The following UGT1A10 variants were observed in gnomAD, a reference collection of about 807,000 sequenced individuals.
UGT1A10 encodes the protein UDP-glucuronosyltransferase 1A10.
Under a neutral mutation model 45.8 loss-of-function variants are expected in UGT1A10, and 49 were observed. The observed-to-expected ratio is 1.07, with a 90% CI of 0.85 to 1.36. UGT1A10 has a LOEUF of 1.36. Among genes scored for constraint, UGT1A10 ranks in the 40% most tolerant of loss-of-function variants. The pLI is 0.00. For missense variants in UGT1A10, 745 were observed against 668.6 expected (o/e 1.11, Z -1.26); for synonymous variants, 284 against 249.7 (o/e 1.14, Z -1.29).
In UGT1A10 at chr2:233,757,143, T is replaced by G. The variant is rs1451644825; in HGVS notation, c.856-9891T>G. ...GAGAGGAGGAATGAGCTTGGACAGG[T>G]GGGCTGGGGTCTATCCCAGAGTTTT... On this transcript the variant is annotated intron_variant, in intron 1 of 4. Coordinates refer to ENST00000344644, the MANE Select transcript of UGT1A10 (RefSeq NM_019075.4). 3.3e-5 allele frequency among the ~76,000 whole-genome samples: 5 copies of G among 150,656 alleles called. No individual in the cohort carries two copies. In the East Asian group the frequency reaches 7.9e-4, roughly 24 times the overall value.
chr2:233,747,352 C>T (rs1016140254), intron 1 of UGT1A10: 87 of 1,602,584 alleles, frequency 5.4e-5, no homozygotes, highest in Admixed American at 8.4e-5. Flanking sequence ...ATGCGGGAGG[C>T]CGTGCGGGAG....
chr2:233,766,887 T>G, intron 1 of UGT1A10, 147 bp from the exon 2 acceptor site: 1 of 1,461,916 alleles, frequency 6.8e-7, no homozygotes, highest in Non-Finnish European at 9.0e-7. Context: ...CTGTAAAACT[T>G]ACATATTAAT....
At chr2:233,661,097 T>G (rs1300210630) in intron 1 of UGT1A10, among the ~76,000 whole-genome samples, 1 of 152,132 alleles carries the variant, frequency 6.6e-6, no homozygotes, top group Non-Finnish European at 1.5e-5. Flanking sequence ...TAAAATTTTA[T>G]GTAGATAATC....
At chr2:233,660,348 T>C (rs549882234) in intron 1 of UGT1A10, among the ~76,000 whole-genome samples, 1 of 152,308 alleles carries the variant, frequency 6.6e-6, no homozygotes, top group South Asian at 2.1e-4. Context: ...TTAGAGATGA[T>C]GTTTGAGGAC....
chr2:233,666,726 G>A (rs2074083963), intron 1 of UGT1A10, among the ~76,000 whole-genome samples: 1 of 151,674 alleles, frequency 6.6e-6, no homozygotes, highest in Admixed American at 6.6e-5. Context: ...GTATACATGT[G>A]CCATGTTGGT....
chr2:233,679,365 T>C (rs754142123), intron 1 of UGT1A10, among the ~76,000 whole-genome samples: 1 of 152,210 alleles, frequency 6.6e-6, no homozygotes, highest in Non-Finnish European at 1.5e-5. Context: ...ACAATAAAAC[T>C]GTCAGTGAGT....
At chr2:233,642,517 G>A (rs2073477833) in intron 1 of UGT1A10, among the ~76,000 whole-genome samples, 1 of 152,178 alleles carries the variant, frequency 6.6e-6, no homozygotes, top group African/African-American at 2.4e-5. Flanking sequence ...GTTAGTCCCT[G>A]GCACCTTATT....
rs2076824965 is a variant in UGT1A10, at chr2:233,720,038, T to G, written c.856-46996T>G. On this transcript the variant is annotated intron_variant, in intron 1 of 4. Transcript: ENST00000344644. ...TCCTGGGGTTTTTGCTTGCCTGATTTTCAGCTGAACGGTGATGCAACAGTA... is the reference window on the plus strand; with the variant it reads ...TCCTGGGGTTTTTGCTTGCCTGATTGTCAGCTGAACGGTGATGCAACAGTA... Among the ~76,000 whole-genome samples, 3 of 152,190 alleles carry G rather than the reference T, an allele frequency of 2.0e-5. No individual in the cohort carries two copies. In the South Asian group the frequency reaches 6.2e-4, roughly 32 times the overall value.
chr2:233,712,975 C>T (rs558021110), intron 1 of UGT1A10: 154 of 1,613,050 alleles, frequency 9.5e-5, no homozygotes, highest in Middle Eastern at 7.8e-4. Context: ...AGTCAGCTGT[C>T]GGTGGCTTCT....
intron 1 of UGT1A10, chr2:233,719,063 T>C (rs780981964): frequency 1.1e-4 from 178 of 1,614,270 alleles, no homozygotes; most frequent in East Asian, 3.6e-4. Flanking sequence ...CAGCCTATGC[T>C]GTTCCATGGA....
chr2:233,713,587 C>T (rs553041215), intron 1 of UGT1A10: 7 of 1,613,978 alleles, frequency 4.3e-6, no homozygotes, highest in East Asian at 2.2e-5. Context: ...AGATTACTAA[C>T]GACCAATTCA....
intron 1 of UGT1A10, among the ~76,000 whole-genome samples, chr2:233,748,510 G>A (rs1250005538): frequency 1.3e-5 from 2 of 151,856 alleles, no homozygotes; most frequent in Non-Finnish European, 2.9e-5. Context: ...TAGTGGTCCT[G>A]TCTTGCGAAT....
chr2:233,645,892 C>T (rs2073588959), intron 1 of UGT1A10, among the ~76,000 whole-genome samples: 2 of 152,212 alleles, frequency 1.3e-5, no homozygotes, highest in African/African-American at 2.4e-5. Flanking sequence ...TAGGCAGTCC[C>T]CCAGTTGTTG....
chr2:233,744,930 A>G (rs1692966910), intron 1 of UGT1A10, among the ~76,000 whole-genome samples: 1 of 151,906 alleles, frequency 6.6e-6, no homozygotes, highest in African/African-American at 2.4e-5. Flanking sequence ...CTTTTATAAA[A>G]TGACACAGTA....
At chr2:233,682,700 A>G in intron 1 of UGT1A10, 6 of 1,613,892 alleles carry the variant, frequency 3.7e-6, no homozygotes, top group Non-Finnish European at 5.1e-6. Context: ...GTTGTTGCGA[A>G]CTGACTTTGT....
intron 1 of UGT1A10, among the ~76,000 whole-genome samples, chr2:233,695,422 CCTTCTT>C (rs34487948): frequency 6.6e-6 from 1 of 150,952 alleles, no homozygotes; most frequent in African/African-American, 2.4e-5. Flanking sequence ...CCGCGCCCGG[CCTTCTT>C]CTTCTTCTTT....
intron 1 of UGT1A10, chr2:233,682,647 C>A (rs2074588513): frequency 6.2e-7 from 1 of 1,613,922 alleles, no homozygotes; most frequent in South Asian, 1.1e-5. Flanking sequence ...ATTCTCCAAA[C>A]CCCTGTCACG....
intron 1 of UGT1A10, among the ~76,000 whole-genome samples, chr2:233,668,722 C>T (rs1038710184): frequency 6.6e-6 from 1 of 152,174 alleles, no homozygotes; most frequent in African/African-American, 2.4e-5. Context: ...CACCTATGTA[C>T]ATTTATCACA....
intron 1 of UGT1A10, chr2:233,682,553 A>G (rs2074583970): frequency 1.2e-6 from 2 of 1,613,774 alleles, no homozygotes; most frequent in Non-Finnish European, 1.7e-6. Flanking sequence ...TTTCAAGGAG[A>G]GAGTATGGAA....
Sources: allele counts gnomAD v4.1 joint callset (sites outside exome capture counted in the v4.1 genomes callset), GRCh38; gene constraint gnomAD v4.1.1; transcripts MANE v1.5; gene names NCBI Gene and HGNC (gene_info 2026-07-23, HGNC 2026-07-21).